Variants in CHUK observed in about 807,000 individuals in gnomAD.
CHUK encodes component of inhibitor of nuclear factor kappa B kinase complex.
Under a neutral mutation model 104.8 loss-of-function variants are expected in CHUK, and 35 were observed. The observed-to-expected ratio is 0.33, with a 90% confidence interval of 0.26 to 0.44. The LOEUF (loss-of-function observed/expected upper bound fraction) is 0.44, where lower values mean the gene tolerates loss of function less well. Ranked by LOEUF, CHUK falls within the 20% of genes least tolerant of loss-of-function variation. The pLI is 1.00. For missense variants in CHUK, 663 were observed against 902.7 expected, an observed-to-expected ratio of 0.73 and a Z score of 3.40; for synonymous variants, 276 against 291.9, an observed-to-expected ratio of 0.95 and a Z score of 0.56.
intron 10 of CHUK, among the ~76,000 whole-genome samples, chr10:100,208,782 T>TTAAAAAAAA (rs567080277): frequency 2.4e-5 from 3 of 125,528 alleles, no homozygotes; most frequent in Non-Finnish European, 3.3e-5. Flanking sequence ...CAAGACTGTC[T>TTAAAAAAAA]AAAAAAAAAA....
At chr10:100,215,213 T>TAAAAAAA (rs1564838522) in intron 9 of CHUK, among the ~76,000 whole-genome samples, 1 of 47,278 alleles carries the variant, frequency 2.1e-5, no homozygotes, top group African/African-American at 1.5e-4. Flanking sequence ...AGGCTCCATA[T>TAAAAAAA]CAAAAAAAAA....
chr10:100,221,740 C>A (rs11190428), intron 4 of CHUK, among the ~76,000 whole-genome samples: 1 of 152,058 alleles, frequency 6.6e-6, no homozygotes, highest in Non-Finnish European at 1.5e-5. Flanking sequence ...TGGGTTCAAG[C>A]GATTCTCCTG....
At chr10:100,209,850 C>A in intron 9 of CHUK, 61 bp from the exon 10 acceptor site, 1 of 767,786 alleles carries the variant, frequency 1.3e-6, no homozygotes, top group Non-Finnish European at 2.2e-6. Context: ...AGATTCGCTG[C>A]CAGATACTAA....
intron 4 of CHUK, among the ~76,000 whole-genome samples, chr10:100,220,890 C>T (rs1188724354): frequency 6.6e-6 from 1 of 152,136 alleles, no homozygotes; most frequent in Non-Finnish European, 1.5e-5. Context: ...TCATTTAACT[C>T]ATTAGAATTA....
chr10:100,219,619 G>A (rs776674619), intron 5 of CHUK, among the ~76,000 whole-genome samples: 4 of 152,106 alleles, frequency 2.6e-5, no homozygotes, highest in Admixed American at 6.6e-5. Flanking sequence ...ATGAAATAAC[G>A]AAAGTAAAGA....
chr10:100,193,095 C>A lies in CHUK; in HGVS notation c.2108+203G>T, dbSNP rs7923979. 1,618 of 607,278 alleles carry A rather than the reference C, an allele frequency of 2.7e-3. 23 individuals are homozygous for A. Among genetic ancestry groups the A allele is most frequent in the African/African-American group, 0.025 (1,341 of 54,244 alleles). The allele number at this position is 607,278 out of a possible 1,614,324, so 37.6% of individuals were successfully genotyped here. On this transcript the variant is annotated intron_variant, in intron 19 of 20. Transcript: ENST00000370397. Reference sequence around the variant, plus strand: ...ACATTGTCTAATCAAATTTCCACAGCAGTTCTATGAGACATTCCTGTTTTA... The same window carrying A: ...ACATTGTCTAATCAAATTTCCACAGAAGTTCTATGAGACATTCCTGTTTTA...
chr10:100,194,174 A>G lies in CHUK; in HGVS notation c.1827-43T>C, dbSNP rs769728208. 4 of 1,606,426 alleles carry G rather than the reference A, an allele frequency of 2.5e-6. No homozygotes were observed. In the East Asian group the frequency reaches 8.9e-5, roughly 36 times the overall value. ...GTGTCAGACACTTTCACATGCCCCA[A>G]GACTGTACACCATATTCCCAAAACC... On this transcript the variant is annotated intron_variant, in intron 17 of 20. Transcript: ENST00000370397.
chr10:100,192,443 TA>T, intron 19 of CHUK: 1 of 248,468 alleles, frequency 4.0e-6, no homozygotes, highest in Non-Finnish European at 6.4e-6. Context: ...TTGCTTTCTT[TA>T]AAAAAATAAA....
At chr10:100,196,523 G>A (rs1021400325) in intron 16 of CHUK, among the ~76,000 whole-genome samples, 1 of 151,824 alleles carries the variant, frequency 6.6e-6, no homozygotes, top group African/African-American at 2.4e-5. Context: ...GAGTAGCTGG[G>A]ACTACAGGCA....
chr10:100,216,254 CA>C (rs1453329127), intron 9 of CHUK, among the ~76,000 whole-genome samples: 4 of 152,186 alleles, frequency 2.6e-5, no homozygotes, highest in Non-Finnish European at 5.9e-5. Flanking sequence ...TGAAATGTTT[CA>C]GAGGCAACAC....
chr10:100,202,301 C>T, intron 13 of CHUK, 152 bp from the exon 14 acceptor site: 1 of 667,154 alleles, frequency 1.5e-6, no homozygotes, highest in East Asian at 2.7e-5. Context: ...CCTAATACCT[C>T]AGAATGTGAC....
intron 19 of CHUK, 137 bp downstream of exon 19, chr10:100,193,161 G>T: frequency 1.1e-6 from 1 of 941,130 alleles, no homozygotes; most frequent in Non-Finnish European, 1.7e-6. Context: ...CAAGTAAGTT[G>T]CCTAAGATTA....
chr10:100,201,247 C>T (rs866725991), intron 14 of CHUK, among the ~76,000 whole-genome samples: 12 of 152,116 alleles, frequency 7.9e-5, no homozygotes, highest in Admixed American at 3.3e-4. Context: ...AGGGTAAGTA[C>T]TGACATTAAG....
Position 100,193,328 on chromosome 10 carries a change from G to A in CHUK, c.2078C>T (p.Ser693Phe), listed in dbSNP as rs773065047. ...TTGAGGAGTTACCACACATGACAGA[G>A]AATGATCATGTTCTGCTGAAGTCGG... ...LPPTSAEHDH[S>F]LSCVVTPQDG... The change falls in exon 19 of 21, where the codon TCT (serine) becomes TTT (phenylalanine). Residue 693 changes from serine to phenylalanine, a missense_variant. By Grantham distance (155) the Ser-to-Phe change is radical (BLOSUM62 -2). Transcript: ENST00000370397. 6.2e-7 allele frequency: 1 copy of A among 1,614,064 alleles called. No homozygotes were observed. Among genetic ancestry groups the A allele is most frequent in the Non-Finnish European group, 8.5e-7 (1 of 1,179,954 alleles).
At chr10:100,217,694 T>G (rs967932025) in intron 9 of CHUK, among the ~76,000 whole-genome samples, 2 of 152,146 alleles carry the variant, frequency 1.3e-5, no homozygotes, top group Admixed American at 1.3e-4. Flanking sequence ...CTGGACAACA[T>G]AGCGAAACCC....
chr10:100,194,696 A>G, intron 16 of CHUK, 175 bp from the exon 17 acceptor site: 1 of 481,672 alleles, frequency 2.1e-6, no homozygotes, highest in South Asian at 2.5e-5. Flanking sequence ...TATAAATAAA[A>G]TCTAGTTATA....
rs1845145112 is a variant in CHUK at position 100,189,511 on chromosome 10, GA to G, written c.*86del. The G allele has an allele frequency of 4.9e-6, 5 of 1,026,758 alleles. No individual in the cohort carries two copies. The highest frequency in any genetic ancestry group is 7.8e-6 in the Non-Finnish European group (5 of 644,228). 63.6% of individuals were successfully genotyped at this position (1,026,758 alleles called of 1,614,324 possible). ...CCATTTCTTCCATTGACTGATGTCT[GA>G]AGAATGGTTTCATGGGGGAAAAACA... On this transcript the variant is annotated 3_prime_UTR_variant, in exon 21 of 21. Coordinates refer to ENST00000370397, the MANE Select transcript of CHUK (RefSeq NM_001278.5).
Position 100,209,758 on chromosome 10 carries a change from T to A in CHUK, c.965A>T (p.Lys322Met), listed in dbSNP as rs145696234. The change falls in exon 10 of 21, where the codon AAG becomes ATG. Residue 322 changes from lysine (K) to methionine (M), a missense_variant. By Grantham distance (95) the Lys-to-Met change is moderately conservative. Coordinates refer to ENST00000370397, the MANE Select transcript of CHUK (RefSeq NM_001278.5). Reference protein sequence around the residue: ...IVHILNMTSAKIISFLLPPDE... With the variant: ...IVHILNMTSAMIISFLLPPDE... ...AGGTGGTAACAGAAAAGAAATTATC[T>A]TTGCAGAAGTCATATTTAGGATGTG... The A allele has an allele frequency of 9.3e-6, 14 of 1,506,510 alleles. No homozygotes were observed. In the African/African-American group the frequency reaches 1.8e-4, roughly 19 times the overall value. 93.3% of individuals were successfully genotyped at this position (1,506,510 alleles called of 1,614,324 possible).
chr10:100,229,412 T>G lies in CHUK; in HGVS notation c.105+16A>C, dbSNP rs754017604. On this transcript the variant is annotated intron_variant, in intron 1 of 20. Coordinates refer to ENST00000370397, the MANE Select transcript of CHUK (RefSeq NM_001278.5). ...CGCTCCAACCCACCGCCGCTCCCTC[T>G]CACGCCCCGCCTCACCCGATGCTGG... The G allele has an allele frequency of 6.3e-7, 1 of 1,589,212 alleles. No homozygotes were observed. Among genetic ancestry groups the G allele is most frequent in the East Asian group, 2.2e-5 (1 of 44,486 alleles).
Sources: gnomAD v4.1 joint callset for allele counts (sites outside exome capture counted in the v4.1 genomes callset) on GRCh38, gnomAD v4.1.1 for gene constraint, MANE v1.5 for transcripts, NCBI Gene and HGNC (gene_info 2026-07-23, HGNC 2026-07-21) for gene names.